CBFB: variants seen among roughly 807,000 people sequenced by gnomAD.
CBFB encodes CBF-beta.
Under a neutral mutation model 30.4 loss-of-function variants are expected in CBFB, and 9 were observed. That is an observed-to-expected ratio of 0.30 (90% CI 0.18 to 0.52). The LOEUF (loss-of-function observed/expected upper bound fraction) is 0.52, where lower values mean the gene tolerates loss of function less well. CBFB is among the 20% of genes least tolerant of loss of function. The pLI is 0.97. For missense variants in CBFB, 170 were observed against 244.0 expected, an observed-to-expected ratio of 0.70 and a Z score of 2.02; for synonymous variants, 94 against 84.0, an observed-to-expected ratio of 1.12 and a Z score of -0.65.
At chr16:67,030,299 AG>A (rs113002822) in intron 2 of CBFB, 28,990 of 150,774 alleles carry the variant, frequency 0.19, 5,157 homozygotes, top group African/African-American at 0.48. Context: ...TAGAGAGGGG[AG>A]GGGGGGGAAA....
chr16:67,032,509 T>C lies in CBFB; in HGVS notation c.165+2696T>C, dbSNP rs566895777. 7.2e-5 allele frequency among the ~76,000 whole-genome samples: 11 copies of C among 152,336 alleles called. No homozygotes were observed. The South Asian group carries it at 2.3e-3, about 32-fold the overall frequency. ...AGGAATTTCACGTTTCCTAGTTTTC[T>C]CTCTTTCTAGTTTCCCTCCTTTAAT... On this transcript the variant is annotated intron_variant, in intron 2 of 5. Coordinates refer to ENST00000412916, the MANE Select transcript of CBFB (RefSeq NM_022845.3).
chr16:67,084,278 T>C (rs753260583), intron 5 of CBFB, among the ~76,000 whole-genome samples: 3 of 151,992 alleles, frequency 2.0e-5, no homozygotes, highest in Non-Finnish European at 2.9e-5. Context: ...GCTTCAAGTT[T>C]ATAAACTTTG....
chr16:67,098,230 G>C (rs1026731966), intron 5 of CBFB, among the ~76,000 whole-genome samples: 2 of 152,120 alleles, frequency 1.3e-5, no homozygotes, highest in African/African-American at 4.8e-5. Context: ...CCACCTCCCA[G>C]GTTCAAGGGA....
At chr16:67,097,127 C>G (rs1417873900) in intron 5 of CBFB, among the ~76,000 whole-genome samples, 1 of 151,714 alleles carries the variant, frequency 6.6e-6, no homozygotes, top group African/African-American at 2.4e-5. Flanking sequence ...CACAGCTACT[C>G]GAGGCTTAGG....
chr16:67,051,953 A>G (rs1168476963), intron 3 of CBFB, among the ~76,000 whole-genome samples: 3 of 151,886 alleles, frequency 2.0e-5, no homozygotes, highest in African/African-American at 7.2e-5. Flanking sequence ...ACGCATACAT[A>G]TATATAGCAA....
chr16:67,073,233 A>G (rs1961283908), intron 4 of CBFB, among the ~76,000 whole-genome samples: 1 of 152,202 alleles, frequency 6.6e-6, no homozygotes. Flanking sequence ...TAACTATTTC[A>G]GCTGAAATAT....
intron 3 of CBFB, among the ~76,000 whole-genome samples, chr16:67,042,808 G>C (rs1262387378): frequency 1.3e-5 from 2 of 152,218 alleles, no homozygotes; most frequent in South Asian, 2.1e-4. Flanking sequence ...CGTAATCTCA[G>C]CTCTACAACC....
chr16:67,078,570 C>G (rs1961470334), intron 4 of CBFB, among the ~76,000 whole-genome samples: 1 of 152,080 alleles, frequency 6.6e-6, no homozygotes, highest in African/African-American at 2.4e-5. Flanking sequence ...AAGAAAAGAT[C>G]AAAACAGAAG....
At chr16:67,031,787 A>G (rs1469575523) in intron 2 of CBFB, among the ~76,000 whole-genome samples, 4 of 150,950 alleles carry the variant, frequency 2.6e-5, no homozygotes, top group African/African-American at 7.3e-5. Context: ...TGCTGGGATT[A>G]CAGGTGTGAG....
chr16:67,047,326 G>T (rs1262964639), intron 3 of CBFB, among the ~76,000 whole-genome samples: 1 of 152,120 alleles, frequency 6.6e-6, no homozygotes, highest in Non-Finnish European at 1.5e-5. Flanking sequence ...TGTGCTTTCA[G>T]GACTCTAATG....
intron 3 of CBFB, among the ~76,000 whole-genome samples, chr16:67,042,329 A>G (rs1209943124): frequency 1.3e-5 from 2 of 151,846 alleles, no homozygotes; most frequent in Non-Finnish European, 2.9e-5. Context: ...CTAATTTTAA[A>G]TTTTTTTGAA....
At chr16:67,049,363 C>T (rs147994279) in intron 3 of CBFB, among the ~76,000 whole-genome samples, 4,638 of 151,910 alleles carry the variant, frequency 0.031, 79 homozygotes, top group South Asian at 0.036. Flanking sequence ...GCCACCACAC[C>T]CGGCTGATTT....
intron 5 of CBFB, among the ~76,000 whole-genome samples, chr16:67,090,327 T>G (rs996149256): frequency 6.6e-6 from 1 of 152,220 alleles, no homozygotes; most frequent in Non-Finnish European, 1.5e-5. Flanking sequence ...ATCACAGACG[T>G]TACTTTTGTG....
At chr16:67,066,325 A>G (rs1339783186) in intron 3 of CBFB, among the ~76,000 whole-genome samples, 2 of 147,540 alleles carry the variant, frequency 1.4e-5, no homozygotes, top group African/African-American at 5.1e-5. Flanking sequence ...AGGCTGGCAG[A>G]TTGCCTGAGC....
rs578004915 is a variant in CBFB at position 67,057,192 on chromosome 16, A to T, written c.283-9490A>T. ...GAGACGGGGTTTCACCATGTTGGCCAGGCTGGTCTCGAACTTCTGACCTCA... is the reference window on the plus strand; with the variant it reads ...GAGACGGGGTTTCACCATGTTGGCCTGGCTGGTCTCGAACTTCTGACCTCA... On this transcript the variant is annotated intron_variant, in intron 3 of 5. Transcript: ENST00000412916. Among the ~76,000 whole-genome samples the T allele has an allele frequency of 5.5e-4, 83 of 151,936 alleles. 1 individual carries two copies. Among genetic ancestry groups the T allele is most frequent in the African/African-American group, 1.9e-3 (79 of 41,398 alleles).
At chr16:67,073,834 G>T (rs1441333818) in intron 4 of CBFB, among the ~76,000 whole-genome samples, 3 of 151,638 alleles carry the variant, frequency 2.0e-5, no homozygotes, top group Admixed American at 2.0e-4. Flanking sequence ...TAAGGAGTTC[G>T]AGACCAGCCT....
intron 1 of CBFB, 112 bp from the exon 2 acceptor site, chr16:67,029,615 G>A (rs1275949950): frequency 1.8e-5 from 23 of 1,308,254 alleles, no homozygotes; most frequent in Non-Finnish European, 2.4e-5. Context: ...TCTCGCCGGG[G>A]CGGCCATCGC....
At chr16:67,078,971 C>A (rs1002083491) in intron 4 of CBFB, among the ~76,000 whole-genome samples, 3 of 152,102 alleles carry the variant, frequency 2.0e-5, no homozygotes, top group Non-Finnish European at 4.4e-5. Flanking sequence ...ACAGTTTTTT[C>A]CTGTCATCGG....
chr16:67,092,696 A>ATTTTTTTTTTTTTTTTTTTTTTTTTTTTT (rs1162307047), intron 5 of CBFB, among the ~76,000 whole-genome samples: 4 of 94,684 alleles, frequency 4.2e-5, no homozygotes, highest in Admixed American at 1.3e-4. Context: ...CAGTGGTGCA[A>ATTTTTTTTTTTTTTTTTTTTTTTTTTTTT]TCTTTTTTTT....
Sources: gnomAD v4.1 joint callset for allele counts (sites outside exome capture counted in the v4.1 genomes callset) on GRCh38, gnomAD v4.1.1 for gene constraint, MANE v1.5 for transcripts, NCBI Gene and HGNC (gene_info 2026-07-23, HGNC 2026-07-21) for gene names.